Variants in MTMR8 observed in about 807,000 individuals in gnomAD.
The protein encoded by MTMR8 is phosphatidylinositol-3,5-bisphosphate 3-phosphatase MTMR8.
In MTMR8, 65 loss-of-function variants were observed where a neutral mutation model predicts 39.3. That is an observed-to-expected ratio of 1.65 (90% confidence interval 1.35 to 2.03). The LOEUF (loss-of-function observed/expected upper bound fraction) is 2.03. MTMR8 is among the 30% of genes most tolerant of loss of function. The probability of loss-of-function intolerance (pLI) is 0.00; values close to 1 mark genes in which losing one functional copy is unlikely to be tolerated. For missense variants in MTMR8, 777 were observed against 538.9 expected, an observed-to-expected ratio of 1.44 and a Z score of -4.37; for synonymous variants, 245 against 185.2, an observed-to-expected ratio of 1.32 and a Z score of -2.62.
chrX:64,344,905 A>G, intron 7 of MTMR8, 140 bp downstream of exon 7: 1 of 562,566 alleles, frequency 1.8e-6, no homozygotes, highest in Non-Finnish European at 2.7e-6. Flanking sequence ...CTAGATTTGT[A>G]CAATAGTTAA....
chrX:64,348,517 C>T (rs971130113), intron 6 of MTMR8, 143 bp downstream of exon 6: 14 of 773,845 alleles, frequency 1.8e-5, no homozygotes, highest in Admixed American at 6.8e-5. Context: ...CAAATGGCTT[C>T]CTGAAATGAT....
chrX:64,354,852 G>C lies in MTMR8; in HGVS notation c.393C>G (p.Asp131Glu), dbSNP rs1602144110. Reference protein sequence around the residue: ...EMRESGWKLIDPISDFGRMGI... With the variant: ...EMRESGWKLIEPISDFGRMGI... ...CCATACGCCCAAAGTCTGATATTGG[G>C]TCAATCAGTTTCCATCCACTTTCCC... is the stretch of plus-strand genomic sequence containing the variant. Residue 131 changes from aspartate to glutamate, a missense_variant, in exon 4 of 14, where the codon GAC (aspartate) becomes GAG (glutamate). Coordinates refer to ENST00000374852, the MANE Select transcript of MTMR8 (RefSeq NM_017677.4). The C allele has an allele frequency of 8.3e-7, 1 of 1,205,962 alleles. No homozygotes were observed. The highest frequency in any genetic ancestry group is 1.1e-6 in the Non-Finnish European group (1 of 891,466).
At chrX:64,354,061 T>C (rs1204214094) in intron 4 of MTMR8, among the ~76,000 whole-genome samples, 1 of 102,351 alleles carries the variant, frequency 9.8e-6, no homozygotes, top group African/African-American at 3.6e-5. Context: ...GAACAAAGCA[T>C]AGAAAGACAA....
intron 1 of MTMR8, among the ~76,000 whole-genome samples, chrX:64,380,235 A>G (rs948461045): frequency 4.4e-5 from 5 of 112,710 alleles, no homozygotes; most frequent in Non-Finnish European, 9.4e-5. Context: ...AGAGATGATT[A>G]TTCCAGAATA....
At chrX:64,352,993 C>CT (rs1263636861) in intron 4 of MTMR8, among the ~76,000 whole-genome samples, 1 of 111,663 alleles carries the variant, frequency 9.0e-6, no homozygotes, top group African/African-American at 3.3e-5. Context: ...TATGATATGG[C>CT]TTCACTTCCT....
intron 12 of MTMR8, among the ~76,000 whole-genome samples, chrX:64,286,511 G>C (rs777660824): frequency 1.8e-5 from 2 of 111,401 alleles, no homozygotes; most frequent in Non-Finnish European, 3.8e-5. Flanking sequence ...CACAACAAAA[G>C]AAGATAATTT....
intron 13 of MTMR8, 95 bp downstream of exon 13, chrX:64,270,852 C>A (rs909115511): frequency 4.4e-5 from 44 of 1,010,884 alleles, no homozygotes; most frequent in Non-Finnish European, 5.4e-5. Context: ...AAAAAGCCAG[C>A]CAGTCAGCTT....
intron 12 of MTMR8, among the ~76,000 whole-genome samples, chrX:64,278,102 A>G (rs1239031856): frequency 9.4e-6 from 1 of 106,513 alleles, no homozygotes; most frequent in Admixed American, 1.0e-4. Context: ...TCTTCTCTAA[A>G]CTGGTTATTC....
intron 13 of MTMR8, 83 bp from the exon 14 acceptor site, chrX:64,269,126 C>T (rs1569205814): frequency 1.0e-6 from 1 of 984,094 alleles, no homozygotes; most frequent in Non-Finnish European, 1.4e-6. Context: ...TGCAGAGATC[C>T]TATTGCTGTC....
At chrX:64,286,853 A>G (rs912417586) in intron 12 of MTMR8, among the ~76,000 whole-genome samples, 1 of 111,593 alleles carries the variant, frequency 9.0e-6, no homozygotes, top group Non-Finnish European at 1.9e-5. Context: ...CACAGCCAAT[A>G]TCATACTGAA....
intron 1 of MTMR8, among the ~76,000 whole-genome samples, chrX:64,368,272 C>A (rs994696770): frequency 9.0e-6 from 1 of 111,391 alleles, no homozygotes; most frequent in African/African-American, 3.3e-5. Flanking sequence ...AAAGTTCATA[C>A]GGAATCAAAA....
At position 64,356,199 on chromosome X, in the gene MTMR8, G is replaced by GA. The variant is rs1472033350; in HGVS notation, c.286dup (p.Ser96PhefsTer12). ...ACCTGGCTGAGAAAGCTTGAGCAGT[G>GA]AAATATAAACCTCATGGCACACAAG... is the stretch of plus-strand genomic sequence containing the variant. On this transcript the variant is annotated frameshift_variant, in exon 3 of 14. Coordinates refer to ENST00000374852, the MANE Select transcript of MTMR8 (RefSeq NM_017677.4). LOFTEE classifies it high-confidence loss of function. 1.7e-6 allele frequency: 2 copies of GA among 1,205,346 alleles called. No individual in the cohort carries two copies. Among genetic ancestry groups the GA allele is most frequent in the African/African-American group, 3.5e-5 (2 of 56,841 alleles).
chrX:64,327,855 A>G (rs930649612), intron 12 of MTMR8, among the ~76,000 whole-genome samples: 7 of 112,260 alleles, frequency 6.2e-5, no homozygotes, highest in African/African-American at 1.6e-4. Flanking sequence ...GCAATAAAAA[A>G]GAAAGAAATG....
chrX:64,384,398 C>T (rs990934339), intron 1 of MTMR8, among the ~76,000 whole-genome samples: 18 of 111,554 alleles, frequency 1.6e-4, no homozygotes, highest in African/African-American at 5.9e-4. Flanking sequence ...CTAGGTAGTG[C>T]CCTGGTGGAG....
intron 12 of MTMR8, among the ~76,000 whole-genome samples, chrX:64,314,064 C>T (rs140844653): frequency 0.019 from 2,184 of 112,279 alleles, 36 homozygotes; most frequent in Middle Eastern, 0.051. Flanking sequence ...CTCAGGACTC[C>T]GGAACTCCAT....
chrX:64,313,831 C>T (rs1252204117), intron 12 of MTMR8, among the ~76,000 whole-genome samples: 1 of 112,581 alleles, frequency 8.9e-6, no homozygotes. Context: ...TGTTGAAGAA[C>T]TAGTACTGTC....
At chrX:64,363,380 C>A (rs917653426) in intron 1 of MTMR8, among the ~76,000 whole-genome samples, 1 of 111,170 alleles carries the variant, frequency 9.0e-6, no homozygotes, top group Non-Finnish European at 1.9e-5. Context: ...TTCATGCTGT[C>A]CTCATGATAA....
Position 64,317,162 on chromosome X carries a change from T to C in MTMR8, c.1481+11610A>G, listed in dbSNP as rs1602127862. On this transcript the variant is annotated intron_variant, in intron 12 of 13. Coordinates refer to ENST00000374852, the MANE Select transcript of MTMR8 (RefSeq NM_017677.4). ...TTAGTTTTCACAAATTTTGCTATGA[T>C]GTATTTTCATGTAACTTTATTTGGG... Among the ~76,000 whole-genome samples, 3 of 110,109 alleles carry C rather than the reference T, an allele frequency of 2.7e-5. No individual in the cohort carries two copies. The Admixed American group carries it at 2.9e-4, about 11-fold the overall frequency.
intron 12 of MTMR8, among the ~76,000 whole-genome samples, chrX:64,310,486 A>T (rs1348070243): frequency 9.0e-6 from 1 of 111,666 alleles, no homozygotes; most frequent in Non-Finnish European, 1.9e-5. Flanking sequence ...TCCTCCCATA[A>T]ATCATGAATA....
Sources: allele counts gnomAD v4.1 joint callset (sites outside exome capture counted in the v4.1 genomes callset), GRCh38; gene constraint gnomAD v4.1.1; transcripts MANE v1.5; gene names NCBI Gene and HGNC (gene_info 2026-07-23, HGNC 2026-07-21).